The following OSBPL3 variants were observed in gnomAD, a reference collection of about 807,000 sequenced individuals.
OSBPL3 encodes oxysterol-binding protein-related protein 3.
OSBPL3 carries 65 observed loss-of-function variants against 120.1 expected under a neutral mutation model. That is an observed-to-expected ratio of 0.54 (90% CI 0.44 to 0.67). The LOEUF (loss-of-function observed/expected upper bound fraction) is 0.67, where lower values mean the gene tolerates loss of function less well. Among genes scored for constraint, OSBPL3 ranks in the 30% least tolerant of loss-of-function variants. The probability of loss-of-function intolerance (pLI) is 0.00; values close to 1 mark genes in which losing one functional copy is unlikely to be tolerated. For synonymous variants in OSBPL3, 416 were observed against 402.6 expected (o/e 1.03, Z -0.40); for missense variants, 1,004 against 1,082.1 (o/e 0.93, Z 1.01).
rs1459658263 is a variant in OSBPL3 at position 24,861,651 on chromosome 7, G to C, written c.989C>G (p.Ser330Cys). 2.5e-6 allele frequency: 4 copies of C among 1,606,050 alleles called. No individual in the cohort carries two copies. The South Asian group carries it at 4.5e-5, about 18-fold the overall frequency. The change falls in exon 10 of 23, where the codon TCT becomes TGT. Residue 330 changes from serine to cysteine, a missense_variant. Ser to Cys is a moderately radical substitution (Grantham distance 112, BLOSUM62 -1). This residue lies in a region of OSBPL3 where 272 missense variants were observed against 248.8 expected (regional missense o/e 1.09). Coordinates refer to ENST00000313367, the MANE Select transcript of OSBPL3 (RefSeq NM_015550.4). ...SDGSETSSEFSKMQEDLCHIA... is the reference protein window; with the variant it reads ...SDGSETSSEFCKMQEDLCHIA... ...ATGACACAGATCTTCTTGCATTTTA[G>C]AAAACTCTGATGAGGTTTCAGAGCC... is the stretch of plus-strand genomic sequence containing the variant.
chr7:24,978,072 G>T (rs924456583), intron 1 of OSBPL3, among the ~76,000 whole-genome samples: 3 of 152,200 alleles, frequency 2.0e-5, no homozygotes, highest in East Asian at 3.8e-4. Flanking sequence ...GCACAATAGA[G>T]ACAAAATGGG....
chr7:24,923,096 A>C (rs1810599479), intron 1 of OSBPL3, among the ~76,000 whole-genome samples: 2 of 152,244 alleles, frequency 1.3e-5, no homozygotes, highest in Admixed American at 6.5e-5. Flanking sequence ...TCCTCAGTTC[A>C]GAACAGCAAA....
intron 1 of OSBPL3, among the ~76,000 whole-genome samples, chr7:24,943,683 A>G (rs1364100958): frequency 6.6e-6 from 1 of 152,214 alleles, no homozygotes; most frequent in Non-Finnish European, 1.5e-5. Flanking sequence ...TTTGAAACAG[A>G]TCAGGCAAGT....
rs553417702 is a variant in OSBPL3, at chr7:24,896,298, C to G, written c.-149-3677G>C. ...TGTCAAACACCAGATGCACTTGTGT[C>G]AGTTCAAAAATGACGTTTGTGCCTC... On this transcript the variant is annotated intron_variant, in intron 1 of 22. Coordinates refer to ENST00000313367, the MANE Select transcript of OSBPL3 (RefSeq NM_015550.4). This position sits in a 1 kb window ranked among gnomAD's most constrained non-coding sequence, Gnocchi z 4.4. Among the ~76,000 whole-genome samples the G allele has an allele frequency of 6.6e-6, 1 of 152,334 alleles. No individual in the cohort carries two copies. The highest frequency in any genetic ancestry group is 2.1e-4 in the South Asian group (1 of 4,826).
At position 24,932,042 on chromosome 7, in the gene OSBPL3, G is replaced by T. The variant is rs1053670391; in HGVS notation, c.-149-39421C>A. On this transcript the variant is annotated intron_variant, in intron 1 of 22. Coordinates refer to ENST00000313367, the MANE Select transcript of OSBPL3 (RefSeq NM_015550.4). The surrounding 1 kb of genome is among the most constrained non-coding windows in gnomAD (Gnocchi z 5.6). The stretch of plus-strand genomic sequence containing the variant: ...TCTGTAAAACAAAACATGTAGACTA[G>T]ATGAATGATAATCTCTCCTTAACAA... 1.3e-5 allele frequency among the ~76,000 whole-genome samples: 2 copies of T among 151,978 alleles called. No homozygotes were observed. Among genetic ancestry groups the T allele is most frequent in the Non-Finnish European group, 2.9e-5 (2 of 67,980 alleles).
intron 19 of OSBPL3, among the ~76,000 whole-genome samples, chr7:24,811,648 T>C (rs1031200609): frequency 2.6e-5 from 4 of 152,268 alleles, no homozygotes; most frequent in Non-Finnish European, 5.9e-5. Context: ...GGTCTTGCTG[T>C]AAGTCTTTAG....
At chr7:24,861,228 CTTTG>C (rs1489966620) in intron 10 of OSBPL3, among the ~76,000 whole-genome samples, 4 of 152,140 alleles carry the variant, frequency 2.6e-5, no homozygotes, top group East Asian at 1.9e-4. Flanking sequence ...AAAATGGATA[CTTTG>C]TTTGGATAAA....
intron 12 of OSBPL3, among the ~76,000 whole-genome samples, chr7:24,843,621 T>C (rs941472170): frequency 6.6e-6 from 1 of 152,218 alleles, no homozygotes; most frequent in Non-Finnish European, 1.5e-5. Context: ...TTTATTAATA[T>C]GTATCTACAA....
At chr7:24,829,787 T>G (rs1015693683) in intron 16 of OSBPL3, among the ~76,000 whole-genome samples, 1 of 152,210 alleles carries the variant, frequency 6.6e-6, no homozygotes, top group Non-Finnish European at 1.5e-5. Flanking sequence ...TTTTAAAATT[T>G]CAATATGTAT....
rs1026804070 is a variant in OSBPL3 at position 24,849,986 on chromosome 7, G to A, written c.1159-810C>T. On this transcript the variant is annotated intron_variant, in intron 11 of 22. Transcript: ENST00000313367. This position sits in a 1 kb window ranked among gnomAD's most constrained non-coding sequence, Gnocchi z 5.4. ...AAATAAAGAAAGTGTGCTGTGTGCT[G>A]GGAAGTAGGACTTTGTGAAAGATTA... Among the ~76,000 whole-genome samples, 8 of 151,988 alleles carry A rather than the reference G, an allele frequency of 5.3e-5. No individual in the cohort carries two copies. The highest frequency in any genetic ancestry group is 1.9e-4 in the African/African-American group (8 of 41,480).
rs1157873575 is a variant in OSBPL3 at position 24,855,853 on chromosome 7, TA to T, written c.1028-3220del. On this transcript the variant is annotated intron_variant, in intron 10 of 22. Transcript: ENST00000313367. The surrounding 1 kb of genome is among the most constrained non-coding windows in gnomAD (Gnocchi z 4.3). ...ACATCTATGGTTACCTGACAATAAA[TA>T]AAGCCACACAGAAAATCTTAGATGC... Among the ~76,000 whole-genome samples, 1 of 152,128 alleles carries T rather than the reference TA, an allele frequency of 6.6e-6. No homozygotes were observed. Among genetic ancestry groups the T allele is most frequent in the Non-Finnish European group, 1.5e-5 (1 of 68,014 alleles).
At position 24,866,217 on chromosome 7, in the gene OSBPL3, A is replaced by G. The variant is rs779863725; in HGVS notation, c.402T>C (p.Phe134=). 1.2e-5 allele frequency: 19 copies of G among 1,611,236 alleles called. No homozygotes were observed. The highest frequency in any genetic ancestry group is 1.6e-4 in the Middle Eastern group (1 of 6,070). ...GGCGAAGTTTCGATACCCACTCATC[A>G]AAGACTTCTTCTGACTTGACCTATA... The part of the protein sequence containing the change: ...YHLKVKSEEV[F]DEWVSKLRHH... Residue 134 remains phenylalanine, a synonymous_variant, in exon 6 of 23, where the codon TTT becomes TTC. Transcript: ENST00000313367.
At chr7:24,911,258 G>A (rs1808780249) in intron 1 of OSBPL3, among the ~76,000 whole-genome samples, 1 of 152,200 alleles carries the variant, frequency 6.6e-6, no homozygotes, top group African/African-American at 2.4e-5. Flanking sequence ...ACATCTGGTG[G>A]TTTGAATTTT....
chr7:24,818,683 CAGAAA>C lies in OSBPL3; in HGVS notation c.1948+1487_1948+1491del, dbSNP rs1794765170. Among the ~76,000 whole-genome samples the C allele has an allele frequency of 6.6e-6, 1 of 152,062 alleles. No individual in the cohort carries two copies. ...GAGAACAAAGAACAGATGTGACAAACAGAAAAGAAACATCATGAGGGCAGATTTAA... is the reference window on the plus strand; with the variant it reads ...GAGAACAAAGAACAGATGTGACAAACAGAAACATCATGAGGGCAGATTTAA... On this transcript the variant is annotated intron_variant, in intron 17 of 22. Transcript: ENST00000313367. This position sits in a 1 kb window ranked among gnomAD's most constrained non-coding sequence, Gnocchi z 4.0.
intron 1 of OSBPL3, among the ~76,000 whole-genome samples, chr7:24,954,858 A>C (rs1814854114): frequency 6.6e-6 from 1 of 152,204 alleles, no homozygotes; most frequent in South Asian, 2.1e-4. Context: ...GAGCATAAAA[A>C]GTATCCCATG....
intron 20 of OSBPL3, among the ~76,000 whole-genome samples, chr7:24,809,195 A>G (rs1793452450): frequency 6.6e-6 from 1 of 152,222 alleles, no homozygotes; most frequent in African/African-American, 2.4e-5. Flanking sequence ...TCTCAGAACA[A>G]TGGTTTACAA....
rs1045452609 is a variant in OSBPL3, at chr7:24,806,693, T to C, written c.2444+83A>G. The C allele has an allele frequency of 1.5e-6, 2 of 1,293,438 alleles. No homozygotes were observed. The highest frequency in any genetic ancestry group is 1.9e-4 in the Middle Eastern group (1 of 5,158). 80.1% of individuals were successfully genotyped at this position (1,293,438 alleles called of 1,614,324 possible). On this transcript the variant is annotated intron_variant, in intron 21 of 22. Coordinates refer to ENST00000313367, the MANE Select transcript of OSBPL3 (RefSeq NM_015550.4). The surrounding 1 kb of genome is among the most constrained non-coding windows in gnomAD (Gnocchi z 5.2). ...ACATTTTCCACCTTTCTCAGGTGCC[T>C]CTGGTGGCCTAAGGATTGTTAATAA...
Position 24,804,362 on chromosome 7 carries a change from C to T in OSBPL3, c.2520G>A (p.Arg840=). ...QRIEQLQRER[R]RVLEENHVEH... is the part of the protein sequence containing the mutation. ...CCACATGATTTTCTTCTAAGACCCGCCGCCTTTCTCTCTGCAGTTGTTCAA... is the reference window on the plus strand; with the variant it reads ...CCACATGATTTTCTTCTAAGACCCGTCGCCTTTCTCTCTGCAGTTGTTCAA... The change falls in exon 22 of 23, where the codon CGG becomes CGA. Residue 840 remains arginine (R), a synonymous_variant. Coordinates refer to ENST00000313367, the MANE Select transcript of OSBPL3 (RefSeq NM_015550.4). This position sits in a 1 kb window ranked among gnomAD's most constrained non-coding sequence, Gnocchi z 5.4. 1.2e-6 allele frequency: 2 copies of T among 1,614,132 alleles called. No homozygotes were observed. The highest frequency in any genetic ancestry group is 1.7e-6 in the Non-Finnish European group (2 of 1,179,994).
rs555663054 is a variant in OSBPL3 at position 24,797,719 on chromosome 7, T to G, written c.*2464A>C. ...ATTTCTGTGTAATTCACCAGAAATT[T>G]TGGATGGAATAATTAGAAAAAAAAA... is the stretch of plus-strand genomic sequence containing the variant. On this transcript the variant is annotated 3_prime_UTR_variant, in exon 23 of 23. Transcript: ENST00000313367. The surrounding 1 kb of genome is among the most constrained non-coding windows in gnomAD (Gnocchi z 4.8). 1 of 152,130 alleles carries G rather than the reference T, an allele frequency of 6.6e-6. No individual in the cohort carries two copies. Among genetic ancestry groups the G allele is most frequent in the African/African-American group, 2.4e-5 (1 of 41,494 alleles). The allele number at this position is 152,130 out of a possible 1,614,324, so 9.4% of individuals were successfully genotyped here.
Sources: allele counts gnomAD v4.1 joint callset (sites outside exome capture counted in the v4.1 genomes callset), GRCh38; gene constraint gnomAD v4.1.1; regional missense constraint gnomAD v4.1.1; non-coding constraint Gnocchi (gnomAD v3.1); transcripts MANE v1.5; gene names NCBI Gene and HGNC (gene_info 2026-07-23, HGNC 2026-07-21).